The following LRBA variants were observed in gnomAD, a reference collection of about 807,000 sequenced individuals.
The protein encoded by LRBA is lipopolysaccharide-responsive and beige-like anchor protein.
Under a neutral mutation model 330.0 loss-of-function variants are expected in LRBA, and 176 were observed. That is an observed-to-expected ratio of 0.53 (90% CI 0.47 to 0.60). LRBA has a LOEUF of 0.60. LRBA is among the 20% of genes least tolerant of loss of function. The probability of loss-of-function intolerance (pLI) is 0.00; values close to 1 mark genes in which losing one functional copy is unlikely to be tolerated. For missense variants in LRBA, 3,259 were observed against 3,444.8 expected (o/e 0.95, Z 1.35); for synonymous variants, 1,230 against 1,193.0 (o/e 1.03, Z -0.64).
intron 34 of LRBA, among the ~76,000 whole-genome samples, chr4:150,767,836 G>A (rs1403683122): frequency 4.0e-5 from 6 of 150,610 alleles, no homozygotes; most frequent in African/African-American, 4.9e-5. Flanking sequence ...GGCCGAGGTG[G>A]GCAGACCAGG....
intron 40 of LRBA, among the ~76,000 whole-genome samples, chr4:150,493,408 C>T (rs991589560): frequency 6.6e-6 from 1 of 152,228 alleles, no homozygotes; most frequent in Non-Finnish European, 1.5e-5. Flanking sequence ...AGAAAAATAC[C>T]TGGCACAAAG....
At chr4:151,011,466 C>T (rs1053556538) in intron 2 of LRBA, among the ~76,000 whole-genome samples, 1 of 151,640 alleles carries the variant, frequency 6.6e-6, no homozygotes, top group Non-Finnish European at 1.5e-5. Flanking sequence ...GGCCTCATGG[C>T]GCACGCCTGT....
At position 150,593,860 on chromosome 4, in the gene LRBA, T is replaced by C. The variant is rs538308759; in HGVS notation, c.6047-3001A>G. Among the ~76,000 whole-genome samples the C allele has an allele frequency of 2.6e-5, 4 of 152,224 alleles. No individual in the cohort carries two copies. The South Asian group carries it at 8.3e-4, about 32-fold the overall frequency. On this transcript the variant is annotated intron_variant, in intron 38 of 56. Transcript: ENST00000651943. ...AATGAGAGTCCCCAGTGGCAATATG[T>C]AATGGTTTAAAATAGCTCAAAAAAT...
At chr4:150,747,896 C>G (rs1213087008) in intron 35 of LRBA, among the ~76,000 whole-genome samples, 1 of 152,162 alleles carries the variant, frequency 6.6e-6, no homozygotes, top group Non-Finnish European at 1.5e-5. Flanking sequence ...TATCCTTGGT[C>G]TCCTATATTT....
At chr4:150,519,354 CTCACA>C (rs1446248237) in intron 40 of LRBA, among the ~76,000 whole-genome samples, 2 of 152,144 alleles carry the variant, frequency 1.3e-5, no homozygotes, top group Non-Finnish European at 2.9e-5. Context: ...AGAAAGGTTG[CTCACA>C]TCTCTTCACT....
chr4:150,831,707 C>G (rs1210356486), intron 29 of LRBA, 110 bp downstream of exon 29: 1 of 809,850 alleles, frequency 1.2e-6, no homozygotes, highest in African/African-American at 1.8e-5. Context: ...TATGCTCTCC[C>G]TTAATTTGCA....
rs1038051293 is a variant in LRBA at position 150,960,058 on chromosome 4, A to C, written c.217-30993T>G. Among the ~76,000 whole-genome samples the C allele has an allele frequency of 1.9e-4, 28 of 148,458 alleles. 1 individual carries two copies. Among genetic ancestry groups the C allele is most frequent in the Admixed American group, 3.3e-4 (5 of 15,122 alleles). On this transcript the variant is annotated intron_variant, in intron 2 of 56. Transcript: ENST00000651943. ...GTGTACCACCATGCCTGGCTTATCT[A>C]TGTATTAACTGTGCCACTGGATAAC... is the stretch of plus-strand genomic sequence containing the variant.
chr4:150,790,495 AT>A (rs1444389813), intron 34 of LRBA, among the ~76,000 whole-genome samples: 4 of 152,156 alleles, frequency 2.6e-5, no homozygotes, highest in Non-Finnish European at 5.9e-5. Flanking sequence ...TTTATTTTGT[AT>A]TAATGTTTTT....
intron 28 of LRBA, among the ~76,000 whole-genome samples, chr4:150,839,669 T>C (rs545033036): frequency 5.3e-5 from 8 of 152,182 alleles, no homozygotes; most frequent in Non-Finnish European, 8.8e-5. Context: ...TTCTCACTCA[T>C]AGGTGGGAAT....
At chr4:150,527,912 A>G (rs1399420256) in intron 40 of LRBA, among the ~76,000 whole-genome samples, 2 of 152,210 alleles carry the variant, frequency 1.3e-5, no homozygotes, top group Non-Finnish European at 2.9e-5. Context: ...GTTCACCTGC[A>G]ATTCCTGTAC....
In LRBA at chr4:150,933,475, A is replaced by G. The variant is rs549778283; in HGVS notation, c.217-4410T>C. On this transcript the variant is annotated intron_variant, in intron 2 of 56. Coordinates refer to ENST00000651943, the MANE Select transcript of LRBA (RefSeq NM_001364905.1). ...CACATGATATGAAAAGATCTCTAAG[A>G]TACTGTGAGAAAATCAAGGTGGAGA... 2.6e-5 allele frequency among the ~76,000 whole-genome samples: 4 copies of G among 152,268 alleles called. No homozygotes were observed. In the South Asian group the frequency reaches 8.3e-4, roughly 32 times the overall value.
intron 37 of LRBA, among the ~76,000 whole-genome samples, chr4:150,602,412 C>T (rs778442254): frequency 6.6e-6 from 1 of 152,118 alleles, no homozygotes; most frequent in Non-Finnish European, 1.5e-5. Context: ...AAGCCACACA[C>T]CCACTTATTT....
At chr4:150,701,207 C>A (rs538850373) in intron 36 of LRBA, among the ~76,000 whole-genome samples, 58 of 151,992 alleles carry the variant, frequency 3.8e-4, no homozygotes, top group Admixed American at 1.0e-3. Context: ...GTCTTTGGGG[C>A]AGTAACATGC....
chr4:150,588,240 A>G (rs1212344828), intron 39 of LRBA, 56 bp from the exon 40 acceptor site: 5 of 1,526,574 alleles, frequency 3.3e-6, no homozygotes, highest in Non-Finnish European at 4.4e-6. Context: ...TCAAAAAATC[A>G]AATTCGACCA....
intron 2 of LRBA, among the ~76,000 whole-genome samples, chr4:150,937,441 G>A (rs575704564): frequency 6.6e-6 from 1 of 152,220 alleles, no homozygotes; most frequent in East Asian, 1.9e-4. Flanking sequence ...AGTAAGTTAT[G>A]AATATCTGAG....
At chr4:150,554,631 T>C (rs1475485605) in intron 40 of LRBA, among the ~76,000 whole-genome samples, 3 of 152,136 alleles carry the variant, frequency 2.0e-5, no homozygotes, top group African/African-American at 7.2e-5. Context: ...CTAATATTTC[T>C]TTATTTTACA....
At chr4:150,983,449 C>CTTTTT (rs35205576) in intron 2 of LRBA, among the ~76,000 whole-genome samples, 8 of 107,244 alleles carry the variant, frequency 7.5e-5, no homozygotes, top group African/African-American at 1.5e-4. Flanking sequence ...AGCAAGCACT[C>CTTTTT]TTTTTTTTTT....
At chr4:150,395,357 A>G (rs1009302226) in intron 47 of LRBA, among the ~76,000 whole-genome samples, 2 of 152,040 alleles carry the variant, frequency 1.3e-5, no homozygotes, top group Admixed American at 1.3e-4. Context: ...AAATCTCAAT[A>G]TTATCTTCAA....
At chr4:150,934,279 G>T (rs529264847) in intron 2 of LRBA, among the ~76,000 whole-genome samples, 2 of 152,142 alleles carry the variant, frequency 1.3e-5, no homozygotes, top group South Asian at 2.1e-4. Context: ...ATCAAGATGG[G>T]CTCAAGCTGT....
Sources: allele counts gnomAD v4.1 joint callset (sites outside exome capture counted in the v4.1 genomes callset), GRCh38; gene constraint gnomAD v4.1.1; transcripts MANE v1.5; gene names NCBI Gene and HGNC (gene_info 2026-07-23, HGNC 2026-07-21).